CDH23: variants seen among roughly 807,000 people sequenced by gnomAD.
CDH23 encodes cadherin related 23, also known as cadherin-23.
CDH23 carries 189 observed loss-of-function variants against 317.1 expected under a neutral mutation model. The ratio of observed to expected loss-of-function variants is 0.60; its 90% CI spans 0.53 to 0.67. The LOEUF is 0.67. Among genes scored for constraint, CDH23 ranks in the 30% least tolerant of loss-of-function variants. The pLI is 0.00. For synonymous variants in CDH23, 1,839 were observed against 1,876.8 expected (o/e 0.98, Z 0.52); for missense variants, 4,401 against 4,592.4 (o/e 0.96, Z 1.20).
chr10:71,712,917 G>A, intron 28 of CDH23, 104 bp downstream of exon 28: 1 of 1,379,342 alleles, frequency 7.2e-7, no homozygotes, highest in South Asian at 1.2e-5. Flanking sequence ...GGAAGCAGGT[G>A]GGGGCCCAGG....
At position 71,777,835 on chromosome 10, in the gene CDH23, C is replaced by A. The variant is rs1309537853; in HGVS notation, c.5001C>A (p.Asn1667Lys). Reference protein sequence around the residue: ...IQALDLDEGPNGTVTYAIVAG... With the variant: ...IQALDLDEGPKGTVTYAIVAG... ...CACTGGACCTGGATGAGGGTCCCAA[C>A]GGCACAGTCACCTATGCCATCGTCG... Residue 1667 changes from asparagine to lysine, a missense_variant, in exon 39 of 70, where the codon AAC (asparagine) becomes AAA (lysine). Transcript: ENST00000224721. 1.2e-6 allele frequency: 2 copies of A among 1,613,990 alleles called. No homozygotes were observed. Among genetic ancestry groups the A allele is most frequent in the South Asian group, 1.1e-5 (1 of 91,084 alleles).
intron 6 of CDH23, among the ~76,000 whole-genome samples, chr10:71,516,585 G>A (rs1290559189): frequency 3.3e-5 from 5 of 152,182 alleles, no homozygotes; most frequent in Admixed American, 6.5e-5. Flanking sequence ...ATAATAAATC[G>A]ATTGTTGTTG....
At chr10:71,574,804 G>A (rs2132389191) in intron 8 of CDH23, among the ~76,000 whole-genome samples, 1 of 152,268 alleles carries the variant, frequency 6.6e-6, no homozygotes, top group Non-Finnish European at 1.5e-5. Context: ...AGAGGCTGGG[G>A]CTGTGTCTCA....
intron 38 of CDH23, chr10:71,748,828 CCAG>C: frequency 1.3e-5 from 2 of 152,884 alleles, no homozygotes; most frequent in Non-Finnish European, 2.9e-5. Context: ...CTGCCCCTCC[CCAG>C]CAGCAGCAGG....
intron 6 of CDH23, among the ~76,000 whole-genome samples, chr10:71,541,399 G>T (rs1257310201): frequency 6.6e-6 from 1 of 152,232 alleles, no homozygotes; most frequent in Admixed American, 6.5e-5. Flanking sequence ...GTGAGCCACA[G>T]CAAAGTTAGT....
At chr10:71,615,651 A>G (rs2132515487) in intron 10 of CDH23, 35 bp downstream of exon 10, 3 of 1,452,498 alleles carry the variant, frequency 2.1e-6, no homozygotes, top group South Asian at 1.1e-5. Flanking sequence ...CCCCAGGTAG[A>G]GGAGATGCCC....
intron 9 of CDH23, among the ~76,000 whole-genome samples, chr10:71,598,180 G>T (rs1433550454): frequency 6.6e-6 from 1 of 152,198 alleles, no homozygotes; most frequent in South Asian, 2.1e-4. Context: ...CCTTGCTTGG[G>T]GTTTAGTGCT....
intron 1 of CDH23, among the ~76,000 whole-genome samples, chr10:71,432,507 GGTGAGT>G (rs1450594957): frequency 1.4e-5 from 2 of 147,024 alleles, no homozygotes; most frequent in Admixed American, 1.4e-4. Context: ...GCAGTGTGTG[GGTGAGT>G]GTGAGTGTGT....
chr10:71,737,478 T>A (rs1007301417), intron 34 of CDH23, among the ~76,000 whole-genome samples: 30 of 152,220 alleles, frequency 2.0e-4, no homozygotes, highest in African/African-American at 6.8e-4. Flanking sequence ...TGGCTGGGAC[T>A]GAGCAGTCAA....
chr10:71,658,424 G>T (rs2132625780), intron 14 of CDH23, among the ~76,000 whole-genome samples: 1 of 152,328 alleles, frequency 6.6e-6, no homozygotes, highest in South Asian at 2.1e-4. Flanking sequence ...CAGCTGATTG[G>T]TCATTCAACA....
At chr10:71,734,574 G>A in intron 33 of CDH23, 82 bp from the exon 34 acceptor site, 3 of 1,604,408 alleles carry the variant, frequency 1.9e-6, no homozygotes, top group Middle Eastern at 1.7e-4. Flanking sequence ...CGGGAGTGGG[G>A]TCTGGAAGAG....
chr10:71,703,371 T>C (rs983737838), intron 24 of CDH23, among the ~76,000 whole-genome samples: 3 of 152,214 alleles, frequency 2.0e-5, no homozygotes, highest in Admixed American at 6.5e-5. Flanking sequence ...GTGAATCCCA[T>C]CTCCAGCACC....
intron 9 of CDH23, among the ~76,000 whole-genome samples, chr10:71,585,553 G>A (rs534502677): frequency 6.6e-6 from 1 of 152,316 alleles, no homozygotes; most frequent in South Asian, 2.1e-4. Flanking sequence ...AGAGCCTCTA[G>A]AGGGTTTTTA....
intron 66 of CDH23, 118 bp downstream of exon 66, chr10:71,812,133 T>G: frequency 6.3e-7 from 1 of 1,599,124 alleles, no homozygotes; most frequent in South Asian, 1.1e-5. Flanking sequence ...GGGCGCCCCC[T>G]GGTGGGCGGG....
intron 2 of CDH23, among the ~76,000 whole-genome samples, chr10:71,441,654 G>A (rs994628996): frequency 3.9e-5 from 6 of 152,064 alleles, no homozygotes; most frequent in Non-Finnish European, 8.8e-5. Context: ...CCCAGGAGGC[G>A]GAGGTTGCAG....
intron 22 of CDH23, among the ~76,000 whole-genome samples, chr10:71,696,217 C>T (rs532632641): frequency 1.3e-5 from 2 of 152,314 alleles, no homozygotes; most frequent in African/African-American, 4.8e-5. Context: ...ATTTTTCAGC[C>T]TTCTCCTCCC....
In CDH23 at chr10:71,799,670, G is replaced by A. The variant is rs764784673; in HGVS notation, c.7362+41G>A. 39 of 1,613,544 alleles carry A rather than the reference G, an allele frequency of 2.4e-5. No individual in the cohort carries two copies. The Admixed American group carries it at 4.5e-4, about 19-fold the overall frequency. ...GGGCCTGGAATTTGGAAGTGGGAAG[G>A]ACCCAGGGTCAGAGACTGAGCAGCC... On this transcript the variant is annotated intron_variant, in intron 52 of 69. Coordinates refer to ENST00000224721, the MANE Select transcript of CDH23 (RefSeq NM_022124.6).
chr10:71,646,753 G>A, intron 14 of CDH23, 136 bp downstream of exon 14: 1 of 1,601,182 alleles, frequency 6.2e-7, no homozygotes, highest in Middle Eastern at 1.7e-4. Context: ...GTGTTTGTTG[G>A]TGTATTAAAT....
At chr10:71,403,411 T>C (rs1264167544) in intron 1 of CDH23, among the ~76,000 whole-genome samples, 4 of 44,692 alleles carry the variant, frequency 9.0e-5, no homozygotes, top group Admixed American at 4.9e-4. Context: ...TTCTTTCTCT[T>C]CCTTCCTTCC....
Sources: gnomAD v4.1 joint callset for allele counts (sites outside exome capture counted in the v4.1 genomes callset) on GRCh38, gnomAD v4.1.1 for gene constraint, MANE v1.5 for transcripts, NCBI Gene and HGNC (gene_info 2026-07-23, HGNC 2026-07-21) for gene names.